The following SGK1 variants were observed in gnomAD, a reference collection of about 807,000 sequenced individuals.
SGK1 encodes the protein serum/glucocorticoid regulated kinase 1.
Under a neutral mutation model 64.2 loss-of-function variants are expected in SGK1, and 26 were observed. The ratio of observed to expected loss-of-function variants is 0.40; its 90% CI spans 0.30 to 0.56. The LOEUF (loss-of-function observed/expected upper bound fraction) is 0.56. Among genes scored for constraint, SGK1 ranks in the 20% least tolerant of loss-of-function variants. SGK1 has a pLI of 0.38. For synonymous variants in SGK1, 265 were observed against 239.7 expected (o/e 1.11, Z -0.98); for missense variants, 519 against 645.6 (o/e 0.80, Z 2.12).
intron 3 of SGK1, among the ~76,000 whole-genome samples, chr6:134,183,419 A>G (rs990733344): frequency 6.6e-6 from 1 of 152,176 alleles, no homozygotes. Flanking sequence ...ATCTAGCTGT[A>G]CTTTGTACCC....
At chr6:134,297,592 T>A (rs368908760) in intron 1 of SGK1, 33 of 481,804 alleles carry the variant, frequency 6.8e-5, no homozygotes, top group East Asian at 6.7e-4. Flanking sequence ...AAGCTCCGCC[T>A]CCCAGGTTCA....
At chr6:134,297,505 T>A (rs1357845728) in intron 1 of SGK1, 1 of 578,920 alleles carries the variant, frequency 1.7e-6, no homozygotes, top group Non-Finnish European at 3.3e-6. Context: ...ATCTTGGAGA[T>A]CTCTGTCTTG....
intron 3 of SGK1, among the ~76,000 whole-genome samples, chr6:134,190,945 CAT>C (rs1775500545): frequency 6.6e-6 from 1 of 152,194 alleles, no homozygotes; most frequent in African/African-American, 2.4e-5. Context: ...TTATCTTCCT[CAT>C]ATGTGCCAAT....
rs10637676 is a variant in SGK1, at chr6:134,299,803, CTT to C, written c.69+17587_69+17588del. Among the ~76,000 whole-genome samples the C allele has an allele frequency of 1.1e-3, 150 of 133,618 alleles. No homozygotes were observed. In the East Asian group the frequency reaches 0.023, roughly 20 times the overall value. 87.7% of individuals were successfully genotyped at this position (133,618 alleles called of 152,430 possible). ...CTGGTAGCTTTTCCAATCCCTGTGA[CTT>C]TTTTTTTTTTTTTGCCCTGAGTTTG... On this transcript the variant is annotated intron_variant, in intron 1 of 13. Coordinates refer to ENST00000367858, the MANE Select transcript of SGK1 (RefSeq NM_001143676.3).
At chr6:134,314,459 A>G (rs1175216901) in intron 1 of SGK1, among the ~76,000 whole-genome samples, 7 of 152,228 alleles carry the variant, frequency 4.6e-5, no homozygotes, top group Non-Finnish European at 1.0e-4. Flanking sequence ...TGAGTTGAAC[A>G]AGGTTTAAAT....
At chr6:134,193,558 T>C (rs181000004) in intron 3 of SGK1, among the ~76,000 whole-genome samples, 174 of 151,842 alleles carry the variant, frequency 1.1e-3, no homozygotes, top group Non-Finnish European at 1.1e-3. Context: ...CCACAGTACT[T>C]AGAGTGAGTT....
At chr6:134,191,834 G>GTTTTTTTTTTTTTT (rs1491153978) in intron 3 of SGK1, among the ~76,000 whole-genome samples, 1 of 17,318 alleles carries the variant, frequency 5.8e-5, no homozygotes, top group African/African-American at 1.7e-4. Flanking sequence ...ACGCCCGGCT[G>GTTTTTTTTTTTTTT]ATTTTTTTTT....
chr6:134,298,589 T>G, intron 1 of SGK1: 1 of 963,866 alleles, frequency 1.0e-6, no homozygotes, highest in South Asian at 1.3e-5. Context: ...AGGAGGAGCT[T>G]GAGGAGCTGA....
At chr6:134,225,612 A>C (rs1429317518) in intron 2 of SGK1, among the ~76,000 whole-genome samples, 1 of 152,174 alleles carries the variant, frequency 6.6e-6, no homozygotes, top group Non-Finnish European at 1.5e-5. Context: ...GAGTATTTAC[A>C]ATGGGCCAGG....
Position 134,253,329 on chromosome 6 carries a change from C to T in SGK1, c.285+8604G>A, listed in dbSNP as rs148742527. On this transcript the variant is annotated intron_variant, in intron 2 of 13. Coordinates refer to ENST00000367858, the MANE Select transcript of SGK1 (RefSeq NM_001143676.3). ...TTTCTTTTTGTGGAGAACGGGGTCTCGCTATATTGCCCAGGCAGGTCTCGA... is the reference window on the plus strand; with the variant it reads ...TTTCTTTTTGTGGAGAACGGGGTCTTGCTATATTGCCCAGGCAGGTCTCGA... Among the ~76,000 whole-genome samples the T allele has an allele frequency of 7.0e-3, 1,058 of 150,096 alleles. 14 individuals carry two copies. The highest frequency in any genetic ancestry group is 0.024 in the African/African-American group (988 of 40,880).
chr6:134,224,008 T>C (rs1776131190), intron 2 of SGK1, among the ~76,000 whole-genome samples: 1 of 152,248 alleles, frequency 6.6e-6, no homozygotes, highest in African/African-American at 2.4e-5. Context: ...TTCCCAGATG[T>C]ATTGGAAGAC....
At chr6:134,193,140 T>C (rs1169188367) in intron 3 of SGK1, among the ~76,000 whole-genome samples, 1 of 152,234 alleles carries the variant, frequency 6.6e-6, no homozygotes, top group Non-Finnish European at 1.5e-5. Context: ...CTTACATATT[T>C]TAAACTAAAT....
chr6:134,309,368 C>G (rs917875454), intron 1 of SGK1, among the ~76,000 whole-genome samples: 1 of 152,152 alleles, frequency 6.6e-6, no homozygotes, highest in South Asian at 2.1e-4. Context: ...TCCTCCTCCT[C>G]CTGCACCTCC....
At chr6:134,186,647 C>G (rs371346413) in intron 3 of SGK1, among the ~76,000 whole-genome samples, 13 of 152,292 alleles carry the variant, frequency 8.5e-5, no homozygotes, top group Admixed American at 5.2e-4. Context: ...GATTGTGGTT[C>G]TTTATGTGGC....
intron 1 of SGK1, among the ~76,000 whole-genome samples, chr6:134,264,362 G>T (rs574875343): frequency 3.3e-5 from 5 of 151,782 alleles, no homozygotes; most frequent in Non-Finnish European, 7.4e-5. Flanking sequence ...CTCATGATCC[G>T]CCCACCTTGG....
At chr6:134,265,498 A>G (rs1218627762) in intron 1 of SGK1, among the ~76,000 whole-genome samples, 1 of 147,758 alleles carries the variant, frequency 6.8e-6, no homozygotes, top group Non-Finnish European at 1.5e-5. Context: ...AAAAATATAT[A>G]TATACACATA....
At chr6:134,207,484 G>A in intron 2 of SGK1, 53 bp from the exon 3 acceptor site, 1 of 1,179,756 alleles carries the variant, frequency 8.5e-7, no homozygotes, top group Non-Finnish European at 1.3e-6. Flanking sequence ...CATCATTTCA[G>A]CTATTTTAGG....
chr6:134,295,748 T>C (rs1777339047), intron 1 of SGK1, among the ~76,000 whole-genome samples: 1 of 150,068 alleles, frequency 6.7e-6, no homozygotes, highest in Non-Finnish European at 1.5e-5. Flanking sequence ...TGGAGGATTC[T>C]ATGGGGAATA....
intron 3 of SGK1, chr6:134,174,950 C>A (rs1775174972): frequency 2.8e-6 from 4 of 1,428,110 alleles, no homozygotes; most frequent in Non-Finnish European, 1.8e-6. Flanking sequence ...CCCCGCCCTT[C>A]GCCTCGCCCC....
Sources: allele counts gnomAD v4.1 joint callset (sites outside exome capture counted in the v4.1 genomes callset), GRCh38; gene constraint gnomAD v4.1.1; transcripts MANE v1.5; gene names NCBI Gene and HGNC (gene_info 2026-07-23, HGNC 2026-07-21).